Variants in SETX observed in about 807,000 individuals in gnomAD.
SETX encodes the protein senataxin, also known as helicase senataxin.
SETX carries 90 observed loss-of-function variants against 227.2 expected under a neutral mutation model. That is an observed-to-expected ratio of 0.40 (90% CI 0.33 to 0.47). The LOEUF (loss-of-function observed/expected upper bound fraction) is 0.47. SETX is among the 20% of genes least tolerant of loss of function. The probability of loss-of-function intolerance (pLI) is 0.91; values close to 1 mark genes in which losing one functional copy is unlikely to be tolerated. For synonymous variants in SETX, 1,210 were observed against 1,113.2 expected, an observed-to-expected ratio of 1.09 and a Z score of -1.73; for missense variants, 3,052 against 3,181.5, an observed-to-expected ratio of 0.96 and a Z score of 0.98.
Position 132,329,378 on chromosome 9 carries a change from T to C in SETX, c.2220A>G (p.Ile740Met). ...CAGTCAACAAACGTGTTGATACTAT[T>C]ATTCCTCTGTCACATCCCCTTTCTG... Reference protein sequence around the residue: ...NGPERGCDRGIIVSTRLLTDS... With the variant: ...NGPERGCDRGMIVSTRLLTDS... The change falls in exon 10 of 26, where the codon ATA (isoleucine) becomes ATG (methionine). Residue 740 changes from isoleucine to methionine, a missense_variant. Physicochemically the swap from Ile to Met is conservative, Grantham distance 10. Around this residue, in one of 10 missense-constraint regions of SETX, gnomAD observed 1,483 missense variants for 1,312.0 expected, o/e 1.13. Transcript: ENST00000224140. The C allele has an allele frequency of 1.9e-6, 3 of 1,614,002 alleles. No homozygotes were observed. The highest frequency in any genetic ancestry group is 1.3e-5 in the African/African-American group (1 of 75,062).
chr9:132,319,383 T>C (rs936242797), intron 10 of SETX, among the ~76,000 whole-genome samples: 12 of 152,228 alleles, frequency 7.9e-5, no homozygotes, highest in Non-Finnish European at 2.9e-5. Context: ...TCCCCCAGTC[T>C]AAATGACCAA....
chr9:132,346,009 A>T (rs1038111770), intron 4 of SETX, among the ~76,000 whole-genome samples: 2 of 152,106 alleles, frequency 1.3e-5, no homozygotes, highest in South Asian at 4.1e-4. Context: ...ACACAGCAAG[A>T]CCCTGTCTCT....
intron 22 of SETX, among the ~76,000 whole-genome samples, chr9:132,276,435 T>C (rs1230642134): frequency 6.6e-6 from 1 of 152,218 alleles, no homozygotes; most frequent in African/African-American, 2.4e-5. Flanking sequence ...CGCCACCTGC[T>C]CTGCAGCCAT....
At chr9:132,295,753 C>T (rs1437947820) in intron 15 of SETX, 119 bp downstream of exon 15, 3 of 927,884 alleles carry the variant, frequency 3.2e-6, no homozygotes, top group Non-Finnish European at 5.1e-6. Flanking sequence ...AACTCACAAG[C>T]CACAGATTCA....
At position 132,277,059 on chromosome 9, in the gene SETX, C is replaced by T. The variant is rs773362894; in HGVS notation, c.6935+1G>A. ...AGGACTGAGGCAAGAGGAAAACATA[C>T]TCATTATCCCGTCTTTCTGAACCAT... On this transcript the variant is annotated splice_donor_variant, in intron 22 of 25. Transcript: ENST00000224140. LOFTEE classifies it high-confidence loss of function. 3 of 1,612,634 alleles carry T rather than the reference C, an allele frequency of 1.9e-6. No homozygotes were observed. In the Admixed American group the frequency reaches 5.0e-5, roughly 27 times the overall value.
chr9:132,327,829 A>G lies in SETX; in HGVS notation c.3769T>C (p.Ser1257Pro), dbSNP rs1410976145. 2 of 1,614,034 alleles carry G rather than the reference A, an allele frequency of 1.2e-6. No homozygotes were observed. The highest frequency in any genetic ancestry group is 2.7e-5 in the African/African-American group (2 of 74,922). The change falls in exon 10 of 26, where the codon TCA becomes CCA. Residue 1257 changes from serine to proline, a missense_variant. By Grantham distance (74) the Ser-to-Pro change is moderately conservative. Around this residue, in one of 10 missense-constraint regions of SETX, gnomAD observed 1,483 missense variants for 1,312.0 expected, o/e 1.13. Coordinates refer to ENST00000224140, the MANE Select transcript of SETX (RefSeq NM_015046.7). ...SDAKKGQNRS[S>P]NYLSCRTTPA... The stretch of plus-strand genomic sequence containing the variant: ...GTTGTTCTACAACTTAGGTAATTTG[A>G]ACTTCTATTCTGTCCTTTTTTGGCA...
At chr9:132,348,883 G>A (rs1036557587) in intron 3 of SETX, among the ~76,000 whole-genome samples, 2 of 152,006 alleles carry the variant, frequency 1.3e-5, no homozygotes, top group African/African-American at 2.4e-5. Context: ...AACCGTGATC[G>A]CACCACTGCA....
chr9:132,280,783 T>G (rs753189138), intron 20 of SETX, among the ~76,000 whole-genome samples: 2 of 152,198 alleles, frequency 1.3e-5, no homozygotes, highest in Admixed American at 6.5e-5. Context: ...CTTCAAAACA[T>G]CTACTGGATC....
At chr9:132,333,416 TACACACACACACACACACACAC>T (rs764524464) in intron 7 of SETX, among the ~76,000 whole-genome samples, 1 of 88,074 alleles carries the variant, frequency 1.1e-5, no homozygotes, top group South Asian at 4.0e-4. Flanking sequence ...AAAATATATA[TACACACACACACACACACACAC>T]ACACACACAC....
chr9:132,264,657 G>A lies in SETX; in HGVS notation c.7616C>T (p.Pro2539Leu), dbSNP rs1842549484. Reference sequence around the variant, plus strand: ...AATGCCCATCCTCTTCAGCAGTCGTGGGTCCTGAAGTTGGTCATGAACAGG... The same window carrying A: ...AATGCCCATCCTCTTCAGCAGTCGTAGGTCCTGAAGTTGGTCATGAACAGG... The part of the protein sequence containing the change: ...RPPVHDQLQD[P>L]RLLKRMGIEV... Residue 2539 changes from proline (P) to leucine (L), a missense_variant, in exon 26 of 26, where the codon CCA (proline) becomes CTA (leucine). By Grantham distance (98) the Pro-to-Leu change is moderately conservative. Around this residue, in one of 10 missense-constraint regions of SETX, gnomAD observed 294 missense variants for 278.8 expected, o/e 1.05. Transcript: ENST00000224140. The A allele has an allele frequency of 7.4e-6, 12 of 1,614,190 alleles. No individual in the cohort carries two copies. Among genetic ancestry groups the A allele is most frequent in the East Asian group, 2.2e-5 (1 of 44,884 alleles).
rs1013239886 is a variant in SETX at position 132,316,825 on chromosome 9, T to C, written c.5275-4969A>G. 2.6e-5 allele frequency among the ~76,000 whole-genome samples: 4 copies of C among 152,356 alleles called. No homozygotes were observed. In the East Asian group the frequency reaches 7.7e-4, roughly 29 times the overall value. ...CCACTCTCGTATGTGTCTATTACTATGGCTTTGAAACAGCTTCGTAGCAGA... is the reference window on the plus strand; with the variant it reads ...CCACTCTCGTATGTGTCTATTACTACGGCTTTGAAACAGCTTCGTAGCAGA... On this transcript the variant is annotated intron_variant, in intron 10 of 25. Coordinates refer to ENST00000224140, the MANE Select transcript of SETX (RefSeq NM_015046.7).
At chr9:132,274,312 G>A (rs1180551937) in intron 23 of SETX, among the ~76,000 whole-genome samples, 1 of 152,118 alleles carries the variant, frequency 6.6e-6, no homozygotes, top group Non-Finnish European at 1.5e-5. Context: ...CTATTTATTG[G>A]AAGCATGTGA....
chr9:132,316,323 A>C (rs964687959), intron 10 of SETX, among the ~76,000 whole-genome samples: 1 of 152,196 alleles, frequency 6.6e-6, no homozygotes, highest in Non-Finnish European at 1.5e-5. Flanking sequence ...GTCGATTTAC[A>C]AAAGTGCTTT....
At chr9:132,330,989 C>A in intron 9 of SETX, 63 bp downstream of exon 9, 1 of 1,284,314 alleles carries the variant, frequency 7.8e-7, no homozygotes, top group Admixed American at 1.7e-5. Context: ...ACAAATTATA[C>A]AAAATAGTCT....
chr9:132,278,362 G>T, intron 20 of SETX, 105 bp from the exon 21 acceptor site: 1 of 1,077,730 alleles, frequency 9.3e-7, no homozygotes, highest in Non-Finnish European at 1.4e-6. Flanking sequence ...GCAACGTTCA[G>T]GTAGCATAAG....
chr9:132,322,733 A>G (rs1182219564), intron 10 of SETX, among the ~76,000 whole-genome samples: 1 of 152,220 alleles, frequency 6.6e-6, no homozygotes, highest in Non-Finnish European at 1.5e-5. Context: ...TACCACCTGA[A>G]AAAAGGAATT....
At chr9:132,341,340 G>C (rs1397611650) in intron 5 of SETX, among the ~76,000 whole-genome samples, 2 of 152,166 alleles carry the variant, frequency 1.3e-5, no homozygotes, top group Non-Finnish European at 2.9e-5. Flanking sequence ...CCTAGAGAAA[G>C]GACCAACAGT....
intron 7 of SETX, among the ~76,000 whole-genome samples, chr9:132,334,046 A>C (rs1167823042): frequency 1.3e-5 from 2 of 152,160 alleles, no homozygotes; most frequent in African/African-American, 2.4e-5. Flanking sequence ...TGTCATTACA[A>C]ATGGGTCTCC....
chr9:132,300,644 C>T lies in SETX; in HGVS notation c.5534G>A (p.Arg1845His), dbSNP rs750996673. Residue 1845 changes from arginine (R) to histidine (H), a missense_variant, in exon 12 of 26, where the codon CGC becomes CAC. Physicochemically the swap from Arg to His is conservative, Grantham distance 29. Around this residue, in one of 10 missense-constraint regions of SETX, gnomAD observed 239 missense variants for 272.1 expected, o/e 0.88. Transcript: ENST00000224140. ...TATTTACTTACTGACTGACGTGCGGCGAAATTTATGAACATAACCAGAATG... is the reference window on the plus strand; with the variant it reads ...TATTTACTTACTGACTGACGTGCGGTGAAATTTATGAACATAACCAGAATG... ...EYHSGYVHKF[R>H]RTSVMRNGKT... 1.1e-5 allele frequency: 18 copies of T among 1,613,384 alleles called. No homozygotes were observed. Among genetic ancestry groups the T allele is most frequent in the Non-Finnish European group, 1.4e-5 (16 of 1,179,874 alleles).
Sources: allele counts gnomAD v4.1 joint callset (sites outside exome capture counted in the v4.1 genomes callset), GRCh38; gene constraint gnomAD v4.1.1; regional missense constraint gnomAD v4.1.1; transcripts MANE v1.5; gene names NCBI Gene and HGNC (gene_info 2026-07-23, HGNC 2026-07-21).